The following P4HA3 variants were observed in gnomAD, a reference collection of about 807,000 sequenced individuals.
The protein encoded by P4HA3 is prolyl 4-hydroxylase subunit alpha-3.
Under a neutral mutation model 66.7 loss-of-function variants are expected in P4HA3, and 60 were observed. The observed-to-expected ratio is 0.90, with a 90% CI of 0.73 to 1.12. P4HA3 has a LOEUF of 1.12. P4HA3 is among the 50% of genes most tolerant of loss of function. P4HA3 has a pLI of 0.00. For missense variants in P4HA3, 683 were observed against 685.8 expected (o/e 1.00, Z 0.05); for synonymous variants, 263 against 274.6 (o/e 0.96, Z 0.42).
At chr11:74,305,651 C>A (rs573645077) in intron 1 of P4HA3, among the ~76,000 whole-genome samples, 2 of 152,256 alleles carry the variant, frequency 1.3e-5, no homozygotes, top group African/African-American at 4.8e-5. Context: ...TCAATCTACA[C>A]GAGTTATTTG....
At chr11:74,252,496 TC>T (rs995983211) in intron 15 of P4HA3, 26 of 456,632 alleles carry the variant, frequency 5.7e-5, no homozygotes, top group African/African-American at 4.0e-4. Context: ...TTGCTTCCCC[TC>T]CCTTTCCGAA....
At position 74,275,669 on chromosome 11, in the gene P4HA3, C is replaced by T. The variant is rs1860369720; in HGVS notation, c.1335+1316G>A. Among the ~76,000 whole-genome samples, 3 of 152,166 alleles carry T rather than the reference C, an allele frequency of 2.0e-5. 1 individual carries two copies. The South Asian group carries it at 6.2e-4, about 32-fold the overall frequency. On this transcript the variant is annotated intron_variant, in intron 9 of 12. Coordinates refer to ENST00000331597, the MANE Select transcript of P4HA3 (RefSeq NM_182904.5). Reference sequence around the variant, plus strand: ...TGGCTGCTCTAGGTTTTTTGCATTTCCATATACATTTTAGGATCAGCATGC... The same window carrying T: ...TGGCTGCTCTAGGTTTTTTGCATTTTCATATACATTTTAGGATCAGCATGC...
At chr11:74,290,228 T>C (rs1479377316) in intron 4 of P4HA3, among the ~76,000 whole-genome samples, 1 of 152,224 alleles carries the variant, frequency 6.6e-6, no homozygotes, top group African/African-American at 2.4e-5. Context: ...GTTTTTTGGC[T>C]GCATAAATGT....
At chr11:74,288,999 C>T in intron 5 of P4HA3, 80 bp downstream of exon 5, 2 of 971,312 alleles carry the variant, frequency 2.1e-6, no homozygotes, top group Non-Finnish European at 2.9e-6. Context: ...ATTTCTCTTG[C>T]AGGAATTAAA....
intron 1 of P4HA3, among the ~76,000 whole-genome samples, chr11:74,304,980 A>G (rs1220212597): frequency 6.6e-6 from 1 of 152,090 alleles, no homozygotes; most frequent in Non-Finnish European, 1.5e-5. Flanking sequence ...GATCCCTCAC[A>G]TGTGCAGTTC....
At chr11:74,274,489 A>G (rs1055602515) in intron 9 of P4HA3, among the ~76,000 whole-genome samples, 16 of 139,226 alleles carry the variant, frequency 1.1e-4, no homozygotes, top group Non-Finnish European at 2.0e-4. Context: ...TTTTTTTTGT[A>G]TTTTTAGTAG....
chr11:74,303,585 C>CTTT (rs574985023), intron 2 of P4HA3, among the ~76,000 whole-genome samples: 1 of 144,082 alleles, frequency 6.9e-6, no homozygotes, highest in African/African-American at 2.6e-5. Context: ...AAAGTCAACA[C>CTTT]TTTTTTTTTT....
intron 3 of P4HA3, among the ~76,000 whole-genome samples, chr11:74,298,807 C>T (rs1861307357): frequency 6.6e-6 from 1 of 152,188 alleles, no homozygotes; most frequent in East Asian, 1.9e-4. Flanking sequence ...GAGGGAATGG[C>T]AGCAACAGAA....
intron 1 of P4HA3, among the ~76,000 whole-genome samples, chr11:74,310,604 G>A (rs1254552717): frequency 1.3e-5 from 2 of 152,204 alleles, no homozygotes; most frequent in Non-Finnish European, 2.9e-5. Context: ...ACTCCTCGAG[G>A]GCAGAGTTGG....
intron 5 of P4HA3, among the ~76,000 whole-genome samples, chr11:74,288,706 T>C (rs1449693991): frequency 6.6e-6 from 1 of 152,056 alleles, no homozygotes; most frequent in Non-Finnish European, 1.5e-5. Flanking sequence ...CCTAGCACAT[T>C]GGGAGCCCGA....
At chr11:74,303,295 T>TC (rs201329755) in intron 2 of P4HA3, among the ~76,000 whole-genome samples, 3 of 147,430 alleles carry the variant, frequency 2.0e-5, no homozygotes, top group African/African-American at 7.4e-5. Flanking sequence ...CAAACTTCTT[T>TC]TTTTTTTTTT....
chr11:74,257,825 A>G (rs2135693668), intron 15 of P4HA3, among the ~76,000 whole-genome samples: 1 of 152,216 alleles, frequency 6.6e-6, no homozygotes, highest in East Asian at 1.9e-4. Context: ...ACTTAATTAG[A>G]ACAGTGGCCA....
At position 74,289,024 on chromosome 11, in the gene P4HA3, G is replaced by C. The variant is rs189561801; in HGVS notation, c.769+55C>G. On this transcript the variant is annotated intron_variant, in intron 5 of 12. Coordinates refer to ENST00000331597, the MANE Select transcript of P4HA3 (RefSeq NM_182904.5). ...CAGGAATTAAAGGCCAGGAGCAGAA[G>C]GGAGTTCCCCGTAAATCAGACCTGT... is the stretch of plus-strand genomic sequence containing the variant. The C allele has an allele frequency of 3.9e-3, 5,038 of 1,303,494 alleles. 54 individuals carry two copies. Among genetic ancestry groups the C allele is most frequent in the Middle Eastern group, 0.033 (168 of 5,134 alleles). 80.7% of individuals were successfully genotyped at this position (1,303,494 alleles called of 1,614,324 possible). A position where few individuals can be genotyped will look rare whatever the true frequency, so the allele number is the denominator to read the frequency against.
At chr11:74,285,759 G>A (rs1860770963) in intron 7 of P4HA3, 50 bp downstream of exon 7, 1 of 1,572,950 alleles carries the variant, frequency 6.4e-7, no homozygotes. Context: ...CTGAACTCCA[G>A]GCATGTGAAG....
chr11:74,275,328 C>T (rs1860358675), intron 9 of P4HA3, among the ~76,000 whole-genome samples: 1 of 151,920 alleles, frequency 6.6e-6, no homozygotes, highest in Admixed American at 6.6e-5. Context: ...CATCTATGAC[C>T]CATTTTGTGT....
chr11:74,286,977 A>T, intron 5 of P4HA3: 1 of 518,152 alleles, frequency 1.9e-6, no homozygotes. Context: ...TGGCTCCACT[A>T]GATCTTTCAA....
intron 7 of P4HA3, among the ~76,000 whole-genome samples, chr11:74,283,114 C>G (rs1483910345): frequency 6.6e-6 from 1 of 152,176 alleles, no homozygotes; most frequent in African/African-American, 2.4e-5. Context: ...ACTACCATGT[C>G]AGTCCAGGGC....
At chr11:74,280,230 T>A (rs761598825) in intron 7 of P4HA3, among the ~76,000 whole-genome samples, 1 of 152,016 alleles carries the variant, frequency 6.6e-6, no homozygotes, top group Non-Finnish European at 1.5e-5. Flanking sequence ...CATAGCTCAC[T>A]ACAGCCTCCA....
At chr11:74,254,928 C>T (rs541400202) in intron 15 of P4HA3, among the ~76,000 whole-genome samples, 2 of 152,300 alleles carry the variant, frequency 1.3e-5, no homozygotes, top group East Asian at 1.9e-4. Context: ...TCCTAATTAT[C>T]GGCTGTGTCG....
Sources: allele counts gnomAD v4.1 joint callset (sites outside exome capture counted in the v4.1 genomes callset), GRCh38; gene constraint gnomAD v4.1.1; transcripts MANE v1.5; gene names NCBI Gene and HGNC (gene_info 2026-07-23, HGNC 2026-07-21).